The following TMEM131 variants were observed in gnomAD, a reference collection of about 807,000 sequenced individuals.
TMEM131 encodes 2610524E03Rik.
A neutral mutation model predicts 211.6 loss-of-function variants in TMEM131; 66 were observed. The ratio of observed to expected loss-of-function variants is 0.31; its 90% CI spans 0.26 to 0.38. The LOEUF is 0.38. TMEM131 is among the 10% of genes least tolerant of loss of function. TMEM131 has a pLI of 1.00. For missense variants in TMEM131, 2,036 were observed against 2,299.3 expected (o/e 0.89, Z 2.34); for synonymous variants, 844 against 841.3 (o/e 1.00, Z -0.06).
chr2:97,789,123 CTG>C (rs1376335283), intron 31 of TMEM131, among the ~76,000 whole-genome samples: 1 of 152,248 alleles, frequency 6.6e-6, no homozygotes, highest in Non-Finnish European at 1.5e-5. Context: ...TTCACACAAA[CTG>C]TTCTTTCCAA....
At chr2:97,866,708 T>C (rs1315334751) in intron 4 of TMEM131, among the ~76,000 whole-genome samples, 2 of 152,228 alleles carry the variant, frequency 1.3e-5, no homozygotes, top group African/African-American at 2.4e-5. Flanking sequence ...CATCTCGAAG[T>C]ATTTTCTAAT....
At chr2:97,869,336 G>A (rs1674398388) in intron 4 of TMEM131, among the ~76,000 whole-genome samples, 1 of 152,246 alleles carries the variant, frequency 6.6e-6, no homozygotes, top group African/African-American at 2.4e-5. Flanking sequence ...AAAGAGACAA[G>A]TGTGGAAGTG....
chr2:97,766,324 T>C, intron 34 of TMEM131, 61 bp from the exon 35 acceptor site: 1 of 1,609,208 alleles, frequency 6.2e-7, no homozygotes, highest in Non-Finnish European at 8.5e-7. Context: ...TTCAGGTCTA[T>C]TTCAATGAAC....
Position 97,758,110 on chromosome 2 carries a change from C to A in TMEM131, c.5368-727G>T, listed in dbSNP as rs544591672. 4.0e-5 allele frequency among the ~76,000 whole-genome samples: 6 copies of A among 149,762 alleles called. No individual in the cohort carries two copies. In the South Asian group the frequency reaches 1.0e-3, roughly 26 times the overall value. Reference sequence around the variant, plus strand: ...TTGTGCCACTGCACTCCAGCCTGGGCTACAGAGCAAGACTCTGTCTCAAAA... The same window carrying A: ...TTGTGCCACTGCACTCCAGCCTGGGATACAGAGCAAGACTCTGTCTCAAAA... On this transcript the variant is annotated intron_variant, in intron 40 of 40. Transcript: ENST00000186436.
chr2:97,867,200 G>A (rs1302107367), intron 4 of TMEM131, among the ~76,000 whole-genome samples: 8 of 152,154 alleles, frequency 5.3e-5, no homozygotes, highest in Admixed American at 3.9e-4. Flanking sequence ...TACAAGTCAA[G>A]TTGGTTTATA....
chr2:97,893,971 GTA>G (rs1470758729), intron 3 of TMEM131, among the ~76,000 whole-genome samples: 13 of 152,128 alleles, frequency 8.5e-5, no homozygotes, highest in Non-Finnish European at 1.5e-4. Context: ...GTCCTGAATG[GTA>G]TTGCCTAGGT....
chr2:97,954,769 G>C (rs902576154), intron 1 of TMEM131, among the ~76,000 whole-genome samples: 1 of 125,544 alleles, frequency 8.0e-6, no homozygotes, highest in East Asian at 2.2e-4. Context: ...TCACGGCATT[G>C]CACTTCAGCC....
chr2:97,895,840 A>G (rs150361808), intron 3 of TMEM131, among the ~76,000 whole-genome samples: 3,821 of 151,888 alleles, frequency 0.025, 164 homozygotes, highest in African/African-American at 0.088. Flanking sequence ...TGATTTTTTG[A>G]AGGGTTTTTT....
At chr2:97,765,561 G>T (rs1256510531) in intron 35 of TMEM131, among the ~76,000 whole-genome samples, 1 of 152,174 alleles carries the variant, frequency 6.6e-6, no homozygotes, top group African/African-American at 2.4e-5. Flanking sequence ...TCTGTAGGGT[G>T]AGGATTTCTA....
intron 5 of TMEM131, among the ~76,000 whole-genome samples, chr2:97,850,493 T>C (rs2105139283): frequency 6.6e-6 from 1 of 152,222 alleles, no homozygotes; most frequent in Non-Finnish European, 1.5e-5. Flanking sequence ...AGTGCCATCC[T>C]CTCTGGAAAA....
intron 3 of TMEM131, among the ~76,000 whole-genome samples, chr2:97,890,259 TC>T (rs942888081): frequency 6.6e-6 from 1 of 152,204 alleles, no homozygotes; most frequent in African/African-American, 2.4e-5. Flanking sequence ...CCAAGGAAGT[TC>T]CTGTAGGAGC....
rs550397709 is a variant in TMEM131 at position 97,979,335 on chromosome 2, C to T, written c.187+16141G>A. 2.2e-4 allele frequency among the ~76,000 whole-genome samples: 34 copies of T among 152,298 alleles called. No homozygotes were observed. The South Asian group carries it at 4.8e-3, about 21-fold the overall frequency. ...CTAACAAGAGAGTCAGCCTGTCCTT[C>T]GAAGCTTTGACGCTAGGCACTGACT... On this transcript the variant is annotated intron_variant, in intron 1 of 40. Transcript: ENST00000186436.
chr2:97,861,685 G>T (rs549297195), intron 4 of TMEM131, among the ~76,000 whole-genome samples: 6 of 152,030 alleles, frequency 3.9e-5, no homozygotes, highest in African/African-American at 1.4e-4. Context: ...TGGGTTGAAG[G>T]CCAGCTCAGC....
At chr2:97,808,558 A>G (rs1681412185) in intron 19 of TMEM131, among the ~76,000 whole-genome samples, 1 of 152,188 alleles carries the variant, frequency 6.6e-6, no homozygotes, top group Admixed American at 6.5e-5. Flanking sequence ...CCTCTTTAGG[A>G]TATAAGCACA....
intron 31 of TMEM131, among the ~76,000 whole-genome samples, chr2:97,778,497 G>A (rs1245474483): frequency 1.3e-5 from 2 of 151,846 alleles, no homozygotes; most frequent in Non-Finnish European, 2.9e-5. Context: ...GTTGCAGTGG[G>A]CTGAGATCGT....
At chr2:97,993,699 G>A (rs1400987501) in intron 1 of TMEM131, among the ~76,000 whole-genome samples, 1 of 152,094 alleles carries the variant, frequency 6.6e-6, no homozygotes, top group Non-Finnish European at 1.5e-5. Context: ...TAACACCCTG[G>A]CAAGTATTCT....
At chr2:97,758,629 T>C (rs758266462) in intron 40 of TMEM131, among the ~76,000 whole-genome samples, 9 of 152,226 alleles carry the variant, frequency 5.9e-5, no homozygotes, top group Non-Finnish European at 8.8e-5. Flanking sequence ...CTTGAGCTAT[T>C]AGGAGGGACT....
chr2:97,834,381 G>A (rs1223833649), intron 10 of TMEM131, among the ~76,000 whole-genome samples: 1 of 152,140 alleles, frequency 6.6e-6, no homozygotes, highest in Non-Finnish European at 1.5e-5. Context: ...CCATTTAGAT[G>A]ACTTAAATTA....
Position 97,812,758 on chromosome 2 carries a change from A to G in TMEM131, c.1618-9T>C. The G allele has an allele frequency of 6.9e-7, 1 of 1,441,262 alleles. No homozygotes were observed. Among genetic ancestry groups the G allele is most frequent in the Non-Finnish European group, 9.4e-7 (1 of 1,058,934 alleles). 89.3% of individuals were successfully genotyped at this position (1,441,262 alleles called of 1,614,324 possible). Reference sequence around the variant, plus strand: ...GGGGGCAATACAAAGTACTGGAAAGATATAAAAGAACCAGATTAAAAAAAA... The same window carrying G: ...GGGGGCAATACAAAGTACTGGAAAGGTATAAAAGAACCAGATTAAAAAAAA... On this transcript the variant is annotated splice_polypyrimidine_tract_variant and intron_variant, in intron 15 of 40. Coordinates refer to ENST00000186436, the MANE Select transcript of TMEM131 (RefSeq NM_015348.2).
Sources: gnomAD v4.1 joint callset for allele counts (sites outside exome capture counted in the v4.1 genomes callset) on GRCh38, gnomAD v4.1.1 for gene constraint, MANE v1.5 for transcripts, NCBI Gene and HGNC (gene_info 2026-07-23, HGNC 2026-07-21) for gene names.